Variants in PITPNC1 observed in about 807,000 individuals in gnomAD.
PITPNC1 encodes cytoplasmic phosphatidylinositol transfer protein 1.
A neutral mutation model predicts 44.7 loss-of-function variants in PITPNC1; 18 were observed. That is an observed-to-expected ratio of 0.40 (90% CI 0.28 to 0.60). The LOEUF (loss-of-function observed/expected upper bound fraction) is 0.60. PITPNC1 is among the 20% of genes least tolerant of loss of function. The pLI is 0.39. For missense variants in PITPNC1, 290 were observed against 418.4 expected (o/e 0.69, Z 2.68); for synonymous variants, 141 against 149.6 (o/e 0.94, Z 0.42).
intron 4 of PITPNC1, among the ~76,000 whole-genome samples, chr17:67,575,141 C>T (rs2041122498): frequency 1.3e-5 from 2 of 151,798 alleles, no homozygotes; most frequent in Non-Finnish European, 2.9e-5. Flanking sequence ...TCTCCCCACT[C>T]CTTGGTTTGA....
intron 2 of PITPNC1, among the ~76,000 whole-genome samples, chr17:67,543,591 A>G (rs1568033972): frequency 6.6e-6 from 1 of 152,044 alleles, no homozygotes; most frequent in African/African-American, 2.4e-5. Context: ...TCATGTGTTC[A>G]TTGGCCATTT....
At chr17:67,474,728 C>T (rs2039600314) in intron 1 of PITPNC1, among the ~76,000 whole-genome samples, 1 of 152,148 alleles carries the variant, frequency 6.6e-6, no homozygotes, top group Non-Finnish European at 1.5e-5. Context: ...ATCCATAGCT[C>T]ATTGCAGCCT....
intron 6 of PITPNC1, among the ~76,000 whole-genome samples, chr17:67,654,616 G>C (rs1267574747): frequency 1.3e-5 from 2 of 152,190 alleles, no homozygotes; most frequent in East Asian, 3.9e-4. Flanking sequence ...TTTAAGTCTT[G>C]CAACAACCCG....
At chr17:67,408,740 TTCTC>T (rs1567978474) in intron 1 of PITPNC1, 1 of 150,990 alleles carries the variant, frequency 6.6e-6, no homozygotes, top group Admixed American at 6.6e-5. Context: ...CTTTCTTTCT[TTCTC>T]TCTTTCTTTC....
chr17:67,541,857 C>T (rs1052560236), intron 2 of PITPNC1, among the ~76,000 whole-genome samples: 2 of 152,086 alleles, frequency 1.3e-5, no homozygotes, highest in African/African-American at 2.4e-5. Flanking sequence ...GGTAGGAATG[C>T]CAGGAGAAAG....
chr17:67,576,761 C>G (rs574404199), intron 4 of PITPNC1, among the ~76,000 whole-genome samples: 1 of 152,302 alleles, frequency 6.6e-6, no homozygotes, highest in South Asian at 2.1e-4. Flanking sequence ...GTTTCTGTCC[C>G]TCGTGTGGAC....
At chr17:67,416,031 C>T (rs765037974) in intron 1 of PITPNC1, among the ~76,000 whole-genome samples, 16 of 152,032 alleles carry the variant, frequency 1.1e-4, no homozygotes, top group Non-Finnish European at 1.9e-4. Flanking sequence ...AGGCATGGCA[C>T]TACCGCCGTT....
chr17:67,419,389 G>A (rs2038634713), intron 1 of PITPNC1, among the ~76,000 whole-genome samples: 1 of 152,076 alleles, frequency 6.6e-6, no homozygotes, highest in Admixed American at 6.6e-5. Context: ...TTCTATCCAG[G>A]AAACATCATT....
chr17:67,442,235 A>ATATG, intron 1 of PITPNC1, among the ~76,000 whole-genome samples: 1 of 128,472 alleles, frequency 7.8e-6, no homozygotes, highest in South Asian at 2.6e-4. Context: ...ATATATATAT[A>ATATG]TATATATATA....
chr17:67,517,554 A>G (rs1489572667), intron 1 of PITPNC1, among the ~76,000 whole-genome samples: 2 of 152,260 alleles, frequency 1.3e-5, no homozygotes, highest in East Asian at 3.8e-4. Context: ...AATGTGGTAT[A>G]TCCATACAAT....
At chr17:67,555,396 G>C (rs1398343097) in intron 4 of PITPNC1, among the ~76,000 whole-genome samples, 1 of 152,128 alleles carries the variant, frequency 6.6e-6, no homozygotes, top group Non-Finnish European at 1.5e-5. Flanking sequence ...GGTCAAATTT[G>C]TCCCCCAGGC....
chr17:67,415,909 C>G (rs1381362472), intron 1 of PITPNC1, among the ~76,000 whole-genome samples: 3 of 110,718 alleles, frequency 2.7e-5, no homozygotes, highest in Non-Finnish European at 5.6e-5. Flanking sequence ...TCACGCTTAC[C>G]TAAAAAAAAA....
chr17:67,449,774 T>C (rs1345325536), intron 1 of PITPNC1, among the ~76,000 whole-genome samples: 1 of 152,242 alleles, frequency 6.6e-6, no homozygotes, highest in Non-Finnish European at 1.5e-5. Flanking sequence ...TTTAAAAGGT[T>C]AATTCTTTGA....
chr17:67,577,936 T>A (rs1419323237), intron 4 of PITPNC1, among the ~76,000 whole-genome samples: 1 of 152,170 alleles, frequency 6.6e-6, no homozygotes, highest in Non-Finnish European at 1.5e-5. Flanking sequence ...TTTGGAAATG[T>A]TCTCTTCAGG....
At position 67,421,848 on chromosome 17, in the gene PITPNC1, G is replaced by A. The variant is rs549420241; in HGVS notation, c.48+43646G>A. The stretch of plus-strand genomic sequence containing the variant: ...ATTTATCAAGTTCTGGGAATACAGC[G>A]GCGAATAAGCCACCAAATCCTTCCT... On this transcript the variant is annotated intron_variant, in intron 1 of 8. Coordinates refer to ENST00000581322, the MANE Select transcript of PITPNC1 (RefSeq NM_012417.4). Among the ~76,000 whole-genome samples, 8 of 152,236 alleles carry A rather than the reference G, an allele frequency of 5.3e-5. No individual in the cohort carries two copies. The East Asian group carries it at 5.8e-4, about 11-fold the overall frequency.
chr17:67,390,341 T>C (rs1484832218), intron 1 of PITPNC1, among the ~76,000 whole-genome samples: 1 of 152,196 alleles, frequency 6.6e-6, no homozygotes. Context: ...GAACCTTTCT[T>C]GTCAGAACTC....
At chr17:67,409,479 T>C (rs2038459268) in intron 1 of PITPNC1, among the ~76,000 whole-genome samples, 1 of 152,214 alleles carries the variant, frequency 6.6e-6, no homozygotes, top group Non-Finnish European at 1.5e-5. Context: ...TCTTGTTCTT[T>C]TTCACTCAAC....
chr17:67,410,978 G>A (rs1239018696), intron 1 of PITPNC1, among the ~76,000 whole-genome samples: 1 of 151,694 alleles, frequency 6.6e-6, no homozygotes, highest in African/African-American at 2.4e-5. Context: ...AGCTACTCGG[G>A]AGGCTGAGGC....
chr17:67,405,110 G>A (rs1209667158), intron 1 of PITPNC1, among the ~76,000 whole-genome samples: 1 of 152,258 alleles, frequency 6.6e-6, no homozygotes, highest in East Asian at 1.9e-4. Flanking sequence ...AGCCAGGCAT[G>A]ATGGCGCACA....
Sources: allele counts gnomAD v4.1 joint callset (sites outside exome capture counted in the v4.1 genomes callset), GRCh38; gene constraint gnomAD v4.1.1; transcripts MANE v1.5; gene names NCBI Gene and HGNC (gene_info 2026-07-23, HGNC 2026-07-21).